Variants in PTPRD observed in about 807,000 individuals in gnomAD.
PTPRD encodes the protein protein tyrosine phosphatase receptor type D.
Under a neutral mutation model 214.5 loss-of-function variants are expected in PTPRD, and 34 were observed. The observed-to-expected ratio is 0.16, with a 90% CI of 0.12 to 0.21. PTPRD has a LOEUF of 0.21. PTPRD is among the 10% of genes least tolerant of loss of function. The probability of loss-of-function intolerance (pLI) is 1.00; values close to 1 mark genes in which losing one functional copy is unlikely to be tolerated. For missense variants in PTPRD, 2,545 were observed against 2,398.7 expected (o/e 1.06, Z -1.27); for synonymous variants, 1,128 against 845.7 (o/e 1.33, Z -5.79).
At chr9:8,684,610 A>C (rs1234716748) in intron 12 of PTPRD, among the ~76,000 whole-genome samples, 1 of 152,188 alleles carries the variant, frequency 6.6e-6, no homozygotes, top group African/African-American at 2.4e-5. Context: ...CCTATCATTT[A>C]CAGACTAATA....
intron 3 of PTPRD, among the ~76,000 whole-genome samples, chr9:10,082,520 T>C (rs1016604609): frequency 6.6e-6 from 1 of 151,946 alleles, no homozygotes; most frequent in African/African-American, 2.4e-5. Flanking sequence ...GCAAGTACTG[T>C]GAATTACAAA....
rs202188954 is a variant in PTPRD, at chr9:8,436,622, A to G, written c.4056T>C (p.Asn1352=). The part of the protein sequence containing the change: ...LADHIERLKA[N]DNLKFSQEYE... ...ATTCCTGGGAAAACTTCAAGTTGTC[A>G]TTTGCTTTCAATCTTTCAATGTGGT... Residue 1352 remains asparagine, a synonymous_variant, in exon 35 of 46, where the codon AAT becomes AAC. Coordinates refer to ENST00000381196, the MANE Select transcript of PTPRD (RefSeq NM_002839.4). 1 of 1,613,476 alleles carries G rather than the reference A, an allele frequency of 6.2e-7. No individual in the cohort carries two copies. The highest frequency in any genetic ancestry group is 2.2e-5 in the East Asian group (1 of 44,798).
At chr9:10,352,385 C>T (rs1005092490) in intron 2 of PTPRD, among the ~76,000 whole-genome samples, 1 of 151,942 alleles carries the variant, frequency 6.6e-6, no homozygotes, top group Non-Finnish European at 1.5e-5. Flanking sequence ...ATGTTTTGAC[C>T]ATTCTCATTC....
rs776448060 is a variant in PTPRD, at chr9:8,528,580, C to T, written c.541+11G>A. ...CTCTAGGAGTTAGTAGAAACAGTAA[C>T]AAGACCCTACCTGATCGTAACTGCT... On this transcript the variant is annotated intron_variant, in intron 15 of 45. Transcript: ENST00000381196. 3.1e-6 allele frequency: 5 copies of T among 1,611,136 alleles called. No homozygotes were observed. The highest frequency in any genetic ancestry group is 1.7e-5 in the Admixed American group (1 of 59,824).
At chr9:8,955,677 CA>C (rs1318133986) in intron 11 of PTPRD, among the ~76,000 whole-genome samples, 1 of 151,326 alleles carries the variant, frequency 6.6e-6, no homozygotes, top group Non-Finnish European at 1.5e-5. Flanking sequence ...AAACACAAGG[CA>C]AAAAGAAGTC....
At chr9:9,758,242 T>A (rs569559574) in intron 6 of PTPRD, among the ~76,000 whole-genome samples, 1 of 151,716 alleles carries the variant, frequency 6.6e-6, no homozygotes, top group East Asian at 2.0e-4. Context: ...AAACAGACAT[T>A]ATTCAATGTA....
chr9:10,039,413 A>G (rs2097255275), intron 3 of PTPRD, among the ~76,000 whole-genome samples: 1 of 152,066 alleles, frequency 6.6e-6, no homozygotes, highest in Non-Finnish European at 1.5e-5. Flanking sequence ...AGTTTTCTCG[A>G]CCAAAATGTA....
At chr9:8,494,549 C>A (rs34599557) in intron 26 of PTPRD, among the ~76,000 whole-genome samples, 10,608 of 152,284 alleles carry the variant, frequency 0.07, 493 homozygotes, top group South Asian at 0.12. Context: ...AGGTTCCCCT[C>A]ACATGCCACT....
chr9:8,712,382 A>G (rs1203037870), intron 12 of PTPRD, among the ~76,000 whole-genome samples: 1 of 152,034 alleles, frequency 6.6e-6, no homozygotes, highest in East Asian at 1.9e-4. Flanking sequence ...ACAACACTAA[A>G]CAATCTTAAA....
chr9:8,696,112 G>A (rs920265721), intron 12 of PTPRD, among the ~76,000 whole-genome samples: 1 of 152,202 alleles, frequency 6.6e-6, no homozygotes, highest in Non-Finnish European at 1.5e-5. Context: ...TTCAGAGGCA[G>A]CAGACCTCAG....
chr9:10,281,028 C>T (rs1182123030), intron 3 of PTPRD, among the ~76,000 whole-genome samples: 1 of 152,180 alleles, frequency 6.6e-6, no homozygotes, highest in Non-Finnish European at 1.5e-5. Context: ...CCAGCACATT[C>T]ATCTAGCAGT....
chr9:9,590,487 C>T (rs570620028), intron 7 of PTPRD, among the ~76,000 whole-genome samples: 2 of 152,036 alleles, frequency 1.3e-5, no homozygotes, highest in South Asian at 4.1e-4. Flanking sequence ...ACTACTTCTT[C>T]TTATTATCTG....
intron 9 of PTPRD, among the ~76,000 whole-genome samples, chr9:9,220,761 C>T (rs1468099029): frequency 2.0e-5 from 3 of 152,002 alleles, no homozygotes; most frequent in Admixed American, 1.3e-4. Flanking sequence ...CTTAGGCAAA[C>T]CTCTATTTCA....
At chr9:10,536,410 T>C (rs1377911924) in intron 2 of PTPRD, among the ~76,000 whole-genome samples, 2 of 152,140 alleles carry the variant, frequency 1.3e-5, no homozygotes, top group Non-Finnish European at 2.9e-5. Context: ...TGCTGTTGAC[T>C]CAAGCATAGA....
At chr9:9,824,109 A>T (rs1210053781) in intron 5 of PTPRD, among the ~76,000 whole-genome samples, 2 of 152,024 alleles carry the variant, frequency 1.3e-5, no homozygotes, top group Non-Finnish European at 2.9e-5. Flanking sequence ...TAAAGCATAT[A>T]AGAATGATAA....
Position 10,373,160 on chromosome 9 carries a change from AT to A in PTPRD, c.-599-32144del, listed in dbSNP as rs34850359. Among the ~76,000 whole-genome samples, 1,111 of 147,456 alleles carry A rather than the reference AT, an allele frequency of 7.5e-3. 5 individuals carry two copies. Among genetic ancestry groups the A allele is most frequent in the Middle Eastern group, 0.023 (6 of 266 alleles). ...CTTTATACTTAAAAAAAAAAAAAAAATTGATGAAGTTTACAAAAATTCAACA... is the reference window on the plus strand; with the variant it reads ...CTTTATACTTAAAAAAAAAAAAAAAATGATGAAGTTTACAAAAATTCAACA... On this transcript the variant is annotated intron_variant, in intron 2 of 45. Coordinates refer to ENST00000381196, the MANE Select transcript of PTPRD (RefSeq NM_002839.4).
chr9:10,210,819 A>ATGTATGTATGTATG (rs2099513292), intron 3 of PTPRD, among the ~76,000 whole-genome samples: 4 of 70,182 alleles, frequency 5.7e-5, no homozygotes, highest in African/African-American at 3.2e-4. Context: ...ATATATATAT[A>ATGTATGTATGTATG]TATGTATGTA....
At chr9:9,885,251 G>A (rs1448615847) in intron 5 of PTPRD, among the ~76,000 whole-genome samples, 1 of 151,986 alleles carries the variant, frequency 6.6e-6, no homozygotes, top group African/African-American at 2.4e-5. Context: ...AAATTGAGAA[G>A]GAAGGGCCCA....
chr9:9,397,655 C>T (rs1442874268), intron 8 of PTPRD, among the ~76,000 whole-genome samples, 173 bp from the exon 9 acceptor site: 2 of 151,988 alleles, frequency 1.3e-5, no homozygotes, highest in African/African-American at 2.4e-5. Flanking sequence ...AGTGTTTCAT[C>T]ACCACCATTT....
Sources: gnomAD v4.1 joint callset for allele counts (sites outside exome capture counted in the v4.1 genomes callset) on GRCh38, gnomAD v4.1.1 for gene constraint, MANE v1.5 for transcripts, NCBI Gene and HGNC (gene_info 2026-07-23, HGNC 2026-07-21) for gene names.